The following AMIGO2 variants were observed in gnomAD, a reference collection of about 807,000 sequenced individuals.
AMIGO2 encodes the protein adhesion molecule with Ig like domain 2, also known as amphoterin-induced protein 2.
In AMIGO2, 15 loss-of-function variants were observed where a neutral mutation model predicts 23.7. The ratio of observed to expected loss-of-function variants is 0.63; its 90% CI spans 0.42 to 0.98. The LOEUF is 0.98. AMIGO2 is among the 50% of genes least tolerant of loss of function. AMIGO2 has a pLI of 0.00. For synonymous variants in AMIGO2, 264 were observed against 252.3 expected, an observed-to-expected ratio of 1.05 and a Z score of -0.44; for missense variants, 561 against 633.1, an observed-to-expected ratio of 0.89 and a Z score of 1.22.
rs79830988 is a variant in AMIGO2 at position 47,079,026 on chromosome 12, C to T, written c.-24G>A. ...ATTATGGTCGCCTCTGAGTCTCTTCCCGGTGTCTTTTCCACCGGCTCAGCC... is the reference window on the plus strand; with the variant it reads ...ATTATGGTCGCCTCTGAGTCTCTTCTCGGTGTCTTTTCCACCGGCTCAGCC... On this transcript the variant is annotated 5_prime_UTR_variant, in exon 3 of 3. Transcript: ENST00000550413. 9.8e-3 allele frequency: 15,120 copies of T among 1,538,860 alleles called. 578 individuals are homozygous for T. The highest frequency in any genetic ancestry group is 0.097 in the African/African-American group (7,021 of 72,520).
At position 47,077,407 on chromosome 12, in the gene AMIGO2, A is replaced by C. The variant is rs377721693; in HGVS notation, c.*27T>G. 1.3e-5 allele frequency: 20 copies of C among 1,592,678 alleles called. No homozygotes were observed. The highest frequency in any genetic ancestry group is 1.6e-5 in the Non-Finnish European group (19 of 1,167,076). On this transcript the variant is annotated 3_prime_UTR_variant, in exon 3 of 3. Coordinates refer to ENST00000550413, the MANE Select transcript of AMIGO2 (RefSeq NM_001370299.1). ...AAGTTAAATATGAACAGATTAAATT[A>C]TGACATCATACAAATATAGGCACAA...
chr12:47,076,302 C>T (rs1941854851), downstream of AMIGO2: 2 of 152,208 alleles, frequency 1.3e-5, no homozygotes, highest in African/African-American at 4.8e-5. Context: ...TGGGCTCTCA[C>T]TTGTTGCAAA....
rs754720371 is a variant in AMIGO2 at position 47,077,666 on chromosome 12, C to T, written c.1337G>A (p.Ser446Asn). The change falls in exon 3 of 3, where the codon AGT becomes AAT. Residue 446 changes from serine (S) to asparagine (N), a missense_variant. By Grantham distance (46) the Ser-to-Asn change is conservative. Transcript: ENST00000550413. ...HQSNAHSSIL[S>N]PGPASDASAD... ...GGAGGCATCACTAGCGGGGCCAGGACTGAGAATCGATGAATGGGCATTGCT... is the reference window on the plus strand; with the variant it reads ...GGAGGCATCACTAGCGGGGCCAGGATTGAGAATCGATGAATGGGCATTGCT... 5.0e-6 allele frequency: 8 copies of T among 1,614,216 alleles called. No homozygotes were observed. In the East Asian group the frequency reaches 1.8e-4, roughly 36 times the overall value.
At chr12:47,075,959 CCT>C (rs1381884065), downstream of AMIGO2, 2 of 152,184 alleles carry the variant, frequency 1.3e-5, no homozygotes, top group Non-Finnish European at 2.9e-5. Context: ...CACTGTTTGA[CCT>C]TACACAGGTC....
Position 47,079,884 on chromosome 12 carries a change from G to A in AMIGO2, c.-593C>T, listed in dbSNP as rs1442756778. The A allele has an allele frequency of 1.3e-5, 2 of 150,882 alleles. No homozygotes were observed. The highest frequency in any genetic ancestry group is 4.2e-4 in the South Asian group (2 of 4,818). 9.3% of individuals were successfully genotyped at this position (150,882 alleles called of 1,614,324 possible). On this transcript the variant is annotated 5_prime_UTR_variant, in exon 1 of 3. Transcript: ENST00000550413. ...AGGACCCGGGGTTCCCGCGCGCCCG[G>A]GGCCGGGAGACGGGCTGGGGCGCCG...
rs1941927595 is a variant in AMIGO2, at chr12:47,079,730, C to T, written c.-439G>A. ...TCCTCTCATTGCAGGCTGAAGGTACCGCCTCGGCGCTCTGGCCGCCGTGTG... is the reference window on the plus strand; with the variant it reads ...TCCTCTCATTGCAGGCTGAAGGTACTGCCTCGGCGCTCTGGCCGCCGTGTG... On this transcript the variant is annotated 5_prime_UTR_variant, in exon 1 of 3. Coordinates refer to ENST00000550413, the MANE Select transcript of AMIGO2 (RefSeq NM_001370299.1). 1 of 151,526 alleles carries T rather than the reference C, an allele frequency of 6.6e-6. No homozygotes were observed. Among genetic ancestry groups the T allele is most frequent in the African/African-American group, 2.4e-5 (1 of 41,356 alleles). 9.4% of individuals were successfully genotyped at this position (151,526 alleles called of 1,614,324 possible). A position where few individuals can be genotyped will look rare whatever the true frequency, so the allele number is the denominator to read the frequency against.
At position 47,078,557 on chromosome 12, in the gene AMIGO2, T is replaced by G. The variant is rs1565732906; in HGVS notation, c.446A>C (p.Tyr149Ser). ...ATCGAGATAGGATATGTGATTGTTG[T>G]AAAGCAGAAGCACTTCCAGAACCTT... ...ELKVLEVLLL[Y>S]NNHISYLDPS... is the part of the protein sequence containing the mutation. Residue 149 changes from tyrosine (Y) to serine (S), a missense_variant, in exon 3 of 3, where the codon TAC (tyrosine) becomes TCC (serine). Tyr to Ser is a moderately radical substitution (Grantham distance 144). Transcript: ENST00000550413. 3 of 1,614,194 alleles carry G rather than the reference T, an allele frequency of 1.9e-6. No homozygotes were observed. Among genetic ancestry groups the G allele is most frequent in the Non-Finnish European group, 2.5e-6 (3 of 1,180,032 alleles).
Position 47,078,973 on chromosome 12 carries a change from G to C in AMIGO2, c.30C>G (p.Thr10=). ...CCGGTCTGACGACGGCTCCAAGCAGGGTGGGCAGAGTGTGTACACGTAACG... is the reference window on the plus strand; with the variant it reads ...CCGGTCTGACGACGGCTCCAAGCAGCGTGGGCAGAGTGTGTACACGTAACG... The part of the protein sequence containing the change: MSLRVHTLP[T]LLGAVVRPGC... The change falls in exon 3 of 3, where the codon ACC becomes ACG. Residue 10 remains threonine, a synonymous_variant. Coordinates refer to ENST00000550413, the MANE Select transcript of AMIGO2 (RefSeq NM_001370299.1). 6.2e-7 allele frequency: 1 copy of C among 1,612,316 alleles called. No individual in the cohort carries two copies. Among genetic ancestry groups the C allele is most frequent in the Non-Finnish European group, 8.5e-7 (1 of 1,179,046 alleles).
In AMIGO2 at chr12:47,079,893, G is replaced by C. The variant is rs1391666255; in HGVS notation, c.-602C>G. ...GGTTCCCGCGCGCCCGGGGCCGGGA[G>C]ACGGGCTGGGGCGCCGGTCCCACCC... On this transcript the variant is annotated 5_prime_UTR_variant, in exon 1 of 3. Transcript: ENST00000550413. The C allele has an allele frequency of 1.3e-5, 2 of 150,668 alleles. No homozygotes were observed. The highest frequency in any genetic ancestry group is 3.0e-5 in the Non-Finnish European group (2 of 67,532). The allele number at this position is 150,668 out of a possible 1,614,324, so 9.3% of individuals were successfully genotyped here.
Position 47,078,495 on chromosome 12 carries a change from G to C in AMIGO2, c.508C>G (p.Leu170Val), listed in dbSNP as rs1444660122. Reference sequence around the variant, plus strand: ...GTGAGAAAATTTCCACTTAAGTAGAGTTTCTGCAACTGGGAGAGCCCTCCA... The same window carrying C: ...GTGAGAAAATTTCCACTTAAGTAGACTTTCTGCAACTGGGAGAGCCCTCCA... ...AFGGLSQLQK[L>V]YLSGNFLTQF... The change falls in exon 3 of 3, where the codon CTC (leucine) becomes GTC (valine). Residue 170 changes from leucine to valine, a missense_variant. Leu to Val is a conservative substitution (Grantham distance 32). Transcript: ENST00000550413. The C allele has an allele frequency of 6.2e-7, 1 of 1,614,216 alleles. No homozygotes were observed. Among genetic ancestry groups the C allele is most frequent in the South Asian group, 1.1e-5 (1 of 91,088 alleles).
chr12:47,076,594 C>A lies in AMIGO2; in HGVS notation c.*840G>T, dbSNP rs1941858543. On this transcript the variant is annotated 3_prime_UTR_variant, in exon 3 of 3. Transcript: ENST00000550413. The stretch of plus-strand genomic sequence containing the variant: ...CATATATTTACATTAATTCAAATGT[C>A]CAAAGCACAGTACAGTAGGGTCTAT... 1 of 152,534 alleles carries A rather than the reference C, an allele frequency of 6.6e-6. No homozygotes were observed. The highest frequency in any genetic ancestry group is 6.6e-5 in the Admixed American group (1 of 15,262). The allele number at this position is 152,534 out of a possible 1,614,324, so 9.4% of individuals were successfully genotyped here.
chr12:47,078,950 G>C lies in AMIGO2; in HGVS notation c.53C>G (p.Pro18Arg). ...LPTLLGAVVRPGCRELLCLLM... is the reference protein window; with the variant it reads ...LPTLLGAVVRRGCRELLCLLM... ...CAAACACAGCAGCTCCCTGCAGCCC[G>C]GTCTGACGACGGCTCCAAGCAGGGT... is the stretch of plus-strand genomic sequence containing the variant. Residue 18 changes from proline to arginine, a missense_variant, in exon 3 of 3, where the codon CCG becomes CGG. Coordinates refer to ENST00000550413, the MANE Select transcript of AMIGO2 (RefSeq NM_001370299.1). 6.2e-7 allele frequency: 1 copy of C among 1,613,858 alleles called. No homozygotes were observed. The highest frequency in any genetic ancestry group is 8.5e-7 in the Non-Finnish European group (1 of 1,179,846).
Position 47,077,383 on chromosome 12 carries a change from A to T in AMIGO2, c.*51T>A. On this transcript the variant is annotated 3_prime_UTR_variant, in exon 3 of 3. Coordinates refer to ENST00000550413, the MANE Select transcript of AMIGO2 (RefSeq NM_001370299.1). ...TGTTTATTTTGCAGACCACACACAA[A>T]GTTAAATATGAACAGATTAAATTAT... The T allele has an allele frequency of 1.3e-6, 2 of 1,552,942 alleles. No individual in the cohort carries two copies. Among genetic ancestry groups the T allele is most frequent in the Non-Finnish European group, 1.7e-6 (2 of 1,147,610 alleles).
Position 47,079,898 on chromosome 12 carries a change from G to A in AMIGO2, c.-607C>T, listed in dbSNP as rs954316881. 8 of 151,288 alleles carry A rather than the reference G, an allele frequency of 5.3e-5. No homozygotes were observed. The highest frequency in any genetic ancestry group is 1.9e-4 in the African/African-American group (8 of 41,344). The allele number at this position is 151,288 out of a possible 1,614,324, so 9.4% of individuals were successfully genotyped here. A position where few individuals can be genotyped will look rare whatever the true frequency, so the allele number is the denominator to read the frequency against. ...CCGCGCGCCCGGGGCCGGGAGACGGGCTGGGGCGCCGGTCCCACCCCTGCG... is the reference window on the plus strand; with the variant it reads ...CCGCGCGCCCGGGGCCGGGAGACGGACTGGGGCGCCGGTCCCACCCCTGCG... On this transcript the variant is annotated 5_prime_UTR_variant, in exon 1 of 3. Coordinates refer to ENST00000550413, the MANE Select transcript of AMIGO2 (RefSeq NM_001370299.1).
rs374483806 is a variant in AMIGO2 at position 47,078,171 on chromosome 12, T to C, written c.832A>G (p.Ser278Gly). 18 of 1,614,060 alleles carry C rather than the reference T, an allele frequency of 1.1e-5. No homozygotes were observed. In the African/African-American group the frequency reaches 1.9e-4, roughly 17 times the overall value. The change falls in exon 3 of 3, where the codon AGC becomes GGC. Residue 278 changes from serine to glycine, a missense_variant. By Grantham distance (56) the Ser-to-Gly change is moderately conservative (BLOSUM62 0). Transcript: ENST00000550413. ...HSRQVLLLQDSFMNCSDSIIN... is the reference protein window; with the variant it reads ...HSRQVLLLQDGFMNCSDSIIN... ...ATGCTGTCAGAGCAATTCATAAAGC[T>C]ATCCTGGAGCAGAAGTACCTGACGC... is the stretch of plus-strand genomic sequence containing the variant.
rs767512204 is a variant in AMIGO2 at position 47,078,017 on chromosome 12, C to CT, written c.985dup (p.Arg329LysfsTer7). 6.2e-7 allele frequency: 1 copy of CT among 1,614,032 alleles called. No individual in the cohort carries two copies. Among genetic ancestry groups the CT allele is most frequent in the Non-Finnish European group, 8.5e-7 (1 of 1,180,036 alleles). ...CATCTCTTTATCCGGCTCTAGCAGT[C>CT]TGTTATCTGGACCCACCCAGATGAA... is the stretch of plus-strand genomic sequence containing the variant. On this transcript the variant is annotated frameshift_variant, in exon 3 of 3. Transcript: ENST00000550413. LOFTEE classifies it high-confidence loss of function.
In AMIGO2 at chr12:47,078,304, G is replaced by C. The variant is rs763238452; in HGVS notation, c.699C>G (p.Asp233Glu). The C allele has an allele frequency of 6.2e-7, 1 of 1,613,842 alleles. No homozygotes were observed. Among genetic ancestry groups the C allele is most frequent in the Non-Finnish European group, 8.5e-7 (1 of 1,180,028 alleles). The change falls in exon 3 of 3, where the codon GAC becomes GAG. Residue 233 changes from aspartate to glutamate, a missense_variant. Coordinates refer to ENST00000550413, the MANE Select transcript of AMIGO2 (RefSeq NM_001370299.1). The part of the protein sequence containing the change: ...IYLHGNPFVC[D>E]CSLYSLLVFW... ...AGACCAGCAAGGAGTACAGGGAACA[G>C]TCACAGACAAATGGGTTTCCATGAA...
In AMIGO2 at chr12:47,077,642, G is replaced by T. The variant is rs1565731899; in HGVS notation, c.1361C>A (p.Ser454Tyr). 1.9e-6 allele frequency: 3 copies of T among 1,614,230 alleles called. 1 individual carries two copies. The East Asian group carries it at 6.7e-5, about 36-fold the overall frequency. The change falls in exon 3 of 3, where the codon TCC becomes TAC. Residue 454 changes from serine (S) to tyrosine (Y), a missense_variant. Transcript: ENST00000550413. ...ILSPGPASDA[S>Y]ADERKAGAGK... ...TGCACCTGCCTTCCGTTCATCAGCG[G>T]AGGCATCACTAGCGGGGCCAGGACT...
rs1941910375 is a variant in AMIGO2 at position 47,079,130 on chromosome 12, T to C, written c.-64+12A>G. On this transcript the variant is annotated intron_variant, in intron 2 of 2. Coordinates refer to ENST00000550413, the MANE Select transcript of AMIGO2 (RefSeq NM_001370299.1). ...AAACTGACTACCACTAGTTAACCCA[T>C]AAGAGCCATACCTTACTTTCTTTCC... 42 of 1,328,522 alleles carry C rather than the reference T, an allele frequency of 3.2e-5. No individual in the cohort carries two copies. The highest frequency in any genetic ancestry group is 4.0e-5 in the Non-Finnish European group (39 of 980,378). The allele number at this position is 1,328,522 out of a possible 1,614,324, so 82.3% of individuals were successfully genotyped here.
Sources: allele counts gnomAD v4.1 joint callset, GRCh38; gene constraint gnomAD v4.1.1; transcripts MANE v1.5; gene names NCBI Gene and HGNC (gene_info 2026-07-23, HGNC 2026-07-21).